Variants in LMBRD2 observed in about 807,000 individuals in gnomAD.
LMBRD2 encodes the protein G protein-coupled receptor-associated protein LMBRD2.
In LMBRD2, 55 loss-of-function variants were observed where a neutral mutation model predicts 94.4. The ratio of observed to expected loss-of-function variants is 0.58; its 90% CI spans 0.47 to 0.73. The LOEUF (loss-of-function observed/expected upper bound fraction) is 0.73. Among genes scored for constraint, LMBRD2 ranks in the 30% least tolerant of loss-of-function variants. The pLI is 0.00. For synonymous variants in LMBRD2, 246 were observed against 272.4 expected (o/e 0.90, Z 0.95); for missense variants, 640 against 831.9 (o/e 0.77, Z 2.84).
At chr5:36,141,319 TAATC>T (rs1744404961) in intron 3 of LMBRD2, 117 bp from the exon 4 acceptor site, 1 of 565,178 alleles carries the variant, frequency 1.8e-6, no homozygotes, top group South Asian at 2.8e-5. Flanking sequence ...CTGACTCTAA[TAATC>T]AATAACCCAT....
intron 6 of LMBRD2, among the ~76,000 whole-genome samples, chr5:36,125,394 C>T (rs145917214): frequency 3.6e-4 from 55 of 151,722 alleles, no homozygotes; most frequent in African/African-American, 1.3e-3. Flanking sequence ...GACAAAATTG[C>T]GAAAAAATAT....
At chr5:36,137,535 T>C in intron 4 of LMBRD2, 94 bp from the exon 5 acceptor site, 1 of 683,380 alleles carries the variant, frequency 1.5e-6, no homozygotes, top group Non-Finnish European at 2.4e-6. Context: ...TCAATTTTAA[T>C]GAATAGGTCT....
At chr5:36,130,220 A>G (rs1744120431) in intron 6 of LMBRD2, among the ~76,000 whole-genome samples, 1 of 152,168 alleles carries the variant, frequency 6.6e-6, no homozygotes, top group Non-Finnish European at 1.5e-5. Context: ...AATAACTACA[A>G]CAACTTTTTA....
At chr5:36,133,550 G>A (rs1744202368) in intron 6 of LMBRD2, among the ~76,000 whole-genome samples, 2 of 152,022 alleles carry the variant, frequency 1.3e-5, no homozygotes, top group African/African-American at 4.8e-5. Flanking sequence ...GAGCATGTAC[G>A]AAAATTTTTT....
At chr5:36,119,601 G>C (rs964818960) in intron 9 of LMBRD2, among the ~76,000 whole-genome samples, 1 of 152,122 alleles carries the variant, frequency 6.6e-6, no homozygotes, top group South Asian at 2.1e-4. Context: ...CATTGCAGGA[G>C]AAAGACACCC....
At chr5:36,136,215 A>G (rs1744265769) in intron 6 of LMBRD2, 94 bp downstream of exon 6, 1 of 1,151,324 alleles carries the variant, frequency 8.7e-7, no homozygotes, top group Non-Finnish European at 1.3e-6. Context: ...TCTGAAGCCC[A>G]TCAATGCACT....
At chr5:36,117,212 T>A (rs887896692) in intron 10 of LMBRD2, among the ~76,000 whole-genome samples, 1 of 152,104 alleles carries the variant, frequency 6.6e-6, no homozygotes, top group African/African-American at 2.4e-5. Flanking sequence ...ATAATCAAAG[T>A]ATTCCCAGGG....
At chr5:36,147,814 G>T in intron 1 of LMBRD2, 1 of 365,630 alleles carries the variant, frequency 2.7e-6, no homozygotes, top group Non-Finnish European at 5.3e-6. Context: ...GAGAGAGAAT[G>T]GGTACCAAGT....
rs1249883883 is a variant in LMBRD2, at chr5:36,140,957, G to T, written c.368+150C>A. On this transcript the variant is annotated intron_variant, in intron 4 of 17. Transcript: ENST00000296603. The stretch of plus-strand genomic sequence containing the variant: ...TGCTTAGTAGACAGTGGATAACTAT[G>T]AGTTTGGAGCACAGCAGAAAGATAA... The T allele has an allele frequency of 5.6e-6, 3 of 534,052 alleles. No individual in the cohort carries two copies. The East Asian group carries it at 9.6e-5, about 17-fold the overall frequency. The allele number at this position is 534,052 out of a possible 1,614,324, so 33.1% of individuals were successfully genotyped here.
intron 1 of LMBRD2, among the ~76,000 whole-genome samples, chr5:36,144,353 A>G (rs547926089): frequency 6.6e-6 from 1 of 152,306 alleles, no homozygotes; most frequent in East Asian, 1.9e-4. Context: ...GGAATTGATT[A>G]ATATCCTAAC....
chr5:36,145,508 C>T (rs959428916), intron 1 of LMBRD2, among the ~76,000 whole-genome samples: 1 of 152,322 alleles, frequency 6.6e-6, no homozygotes, highest in South Asian at 2.1e-4. Flanking sequence ...TACAGGCATG[C>T]GCCACAGCGC....
At chr5:36,106,660 C>T (rs1257285832) in intron 16 of LMBRD2, among the ~76,000 whole-genome samples, 1 of 151,922 alleles carries the variant, frequency 6.6e-6, no homozygotes, top group Non-Finnish European at 1.5e-5. Context: ...CAGGTGCATA[C>T]CACCATGCCC....
chr5:36,137,307 T>C lies in LMBRD2; in HGVS notation c.503A>G (p.Tyr168Cys). 3 of 1,601,880 alleles carry C rather than the reference T, an allele frequency of 1.9e-6. No individual in the cohort carries two copies. The highest frequency in any genetic ancestry group is 1.7e-6 in the Non-Finnish European group (2 of 1,171,384). Reference protein sequence around the residue: ...YLLIFGAFLIYVAVNPHLHLE... With the variant: ...YLLIFGAFLICVAVNPHLHLE... ...ATGTAAATGTGGGTTTACAGCTACA[T>C]AAATTAAAAATGCTCCAAAAATCAG... Residue 168 changes from tyrosine (Y) to cysteine (C), a missense_variant, in exon 5 of 18, where the codon TAT (tyrosine) becomes TGT (cysteine). Tyr to Cys is a radical substitution (Grantham distance 194, BLOSUM62 -2). Transcript: ENST00000296603.
Position 36,142,537 on chromosome 5 carries a change from A to C in LMBRD2, c.237T>G (p.Ile79Met), listed in dbSNP as rs1319702368. Residue 79 changes from isoleucine (I) to methionine (M), a missense_variant, in exon 3 of 18, where the codon ATT (isoleucine) becomes ATG (methionine). Ile to Met is a conservative substitution (Grantham distance 10, BLOSUM62 1). This residue lies in a region of LMBRD2 where 457 missense variants were observed against 642.8 expected (regional missense o/e 0.71). Coordinates refer to ENST00000296603, the MANE Select transcript of LMBRD2 (RefSeq NM_001007527.2). Reference sequence around the variant, plus strand: ...GGTTAGCAGTTGCGTACAATCCTGTAATGTTGCTATTCTCAGGAGGGCTTG... The same window carrying C: ...GGTTAGCAGTTGCGTACAATCCTGTCATGTTGCTATTCTCAGGAGGGCTTG... ...ANSSPPENSN[I>M]TGLYATANPV... 6.2e-7 allele frequency: 1 copy of C among 1,610,208 alleles called. No individual in the cohort carries two copies. Among genetic ancestry groups the C allele is most frequent in the Non-Finnish European group, 8.5e-7 (1 of 1,176,606 alleles).
At position 36,137,275 on chromosome 5, in the gene LMBRD2, A is replaced by C. The variant is rs144662594; in HGVS notation, c.535T>G (p.Trp179Gly). The stretch of plus-strand genomic sequence containing the variant: ...TGTTAAGAAGACTACTTTTCTTACC[A>C]TTCTAAATGTAAATGTGGGTTTACA... ...VAVNPHLHLE[W>G]NQLQTIGIAA... The change falls in exon 5 of 18, where the codon TGG (tryptophan) becomes GGG (glycine). Residue 179 changes from tryptophan to glycine, a missense_variant and splice_region_variant. Transcript: ENST00000296603. The C allele has an allele frequency of 6.4e-7, 1 of 1,563,058 alleles. No individual in the cohort carries two copies. The highest frequency in any genetic ancestry group is 2.3e-5 in the East Asian group (1 of 44,300).
At chr5:36,110,069 G>C (rs945399074) in intron 14 of LMBRD2, 78 bp from the exon 15 acceptor site, 5 of 1,044,636 alleles carry the variant, frequency 4.8e-6, no homozygotes, top group Non-Finnish European at 7.4e-6. Flanking sequence ...AAAGATAGCG[G>C]GCAATGACCA....
At position 36,103,795 on chromosome 5, in the gene LMBRD2, C is replaced by A; in HGVS notation, c.*251G>T. 2 of 264,734 alleles carry A rather than the reference C, an allele frequency of 7.6e-6. No individual in the cohort carries two copies. The highest frequency in any genetic ancestry group is 5.0e-5 in the Admixed American group (1 of 19,918). The allele number at this position is 264,734 out of a possible 1,614,324, so 16.4% of individuals were successfully genotyped here. On this transcript the variant is annotated 3_prime_UTR_variant, in exon 18 of 18. Transcript: ENST00000296603. ...ACATATGTTGATCTTTCTTAAAGTCCTTCCACTGTAACTGTATTTCTAAGG... is the reference window on the plus strand; with the variant it reads ...ACATATGTTGATCTTTCTTAAAGTCATTCCACTGTAACTGTATTTCTAAGG...
intron 1 of LMBRD2, among the ~76,000 whole-genome samples, chr5:36,145,908 A>T (rs767886898): frequency 6.6e-6 from 1 of 152,240 alleles, no homozygotes; most frequent in South Asian, 2.1e-4. Flanking sequence ...ATTTTTACAT[A>T]AGCATAAAAA....
intron 1 of LMBRD2, among the ~76,000 whole-genome samples, chr5:36,145,601 A>G (rs936401798): frequency 1.3e-5 from 2 of 152,248 alleles, no homozygotes; most frequent in African/African-American, 2.4e-5. Context: ...TAACAAAACC[A>G]TCTTCGAGAT....
Sources: gnomAD v4.1 joint callset for allele counts (sites outside exome capture counted in the v4.1 genomes callset) on GRCh38, gnomAD v4.1.1 for gene constraint, gnomAD v4.1.1 regional missense constraint, MANE v1.5 for transcripts, NCBI Gene and HGNC (gene_info 2026-07-23, HGNC 2026-07-21) for gene names.